Variants in MDGA2 observed in about 807,000 individuals in gnomAD.
The protein encoded by MDGA2 is MAM domain-containing glycosylphosphatidylinositol anchor protein 2.
Under a neutral mutation model 117.8 loss-of-function variants are expected in MDGA2, and 40 were observed. The observed-to-expected ratio is 0.34, with a 90% CI of 0.26 to 0.44. MDGA2 has a LOEUF of 0.44. MDGA2 is among the 20% of genes least tolerant of loss of function. The probability of loss-of-function intolerance (pLI) is 1.00; values close to 1 mark genes in which losing one functional copy is unlikely to be tolerated. For synonymous variants in MDGA2, 452 were observed against 439.0 expected (o/e 1.03, Z -0.37); for missense variants, 1,123 against 1,250.6 (o/e 0.90, Z 1.54).
chr14:47,508,082 G>A (rs1894553827), intron 1 of MDGA2, among the ~76,000 whole-genome samples: 1 of 152,170 alleles, frequency 6.6e-6, no homozygotes, highest in African/African-American at 2.4e-5. Flanking sequence ...ATATAGTAGT[G>A]TAATCATTTC....
chr14:47,143,461 A>T (rs1291609725), intron 4 of MDGA2, among the ~76,000 whole-genome samples: 1 of 152,124 alleles, frequency 6.6e-6, no homozygotes, highest in Non-Finnish European at 1.5e-5. Context: ...GGACTTATTA[A>T]TTCCTTACTC....
chr14:46,982,217 A>T (rs2138386762), intron 8 of MDGA2, among the ~76,000 whole-genome samples: 1 of 152,310 alleles, frequency 6.6e-6, no homozygotes, highest in Non-Finnish European at 1.5e-5. Context: ...TAACATGAAA[A>T]GACTAGTATG....
chr14:47,224,038 T>C (rs1886391950), intron 2 of MDGA2, among the ~76,000 whole-genome samples: 1 of 152,090 alleles, frequency 6.6e-6, no homozygotes, highest in Admixed American at 6.6e-5. Context: ...ACGGGGATTG[T>C]GGGAGCTACA....
chr14:47,512,386 T>A (rs575566976), intron 1 of MDGA2, among the ~76,000 whole-genome samples: 2 of 152,296 alleles, frequency 1.3e-5, no homozygotes, highest in Admixed American at 6.5e-5. Context: ...TTCCTCATTA[T>A]AAACATTTAA....
intron 8 of MDGA2, among the ~76,000 whole-genome samples, chr14:47,010,404 ACT>A (rs888457546): frequency 5.9e-4 from 90 of 152,078 alleles, no homozygotes; most frequent in African/African-American, 2.1e-3. Context: ...GAATGTATAC[ACT>A]CTGACGTAAA....
intron 1 of MDGA2, among the ~76,000 whole-genome samples, chr14:47,611,376 A>G (rs1005560118): frequency 6.6e-5 from 10 of 152,178 alleles, no homozygotes; most frequent in African/African-American, 2.4e-4. Flanking sequence ...ATTAACCTAA[A>G]GAGCTTTTGC....
intron 5 of MDGA2, among the ~76,000 whole-genome samples, chr14:47,126,931 A>G (rs866239759): frequency 6.6e-6 from 1 of 152,130 alleles, no homozygotes; most frequent in East Asian, 1.9e-4. Flanking sequence ...TCAGGTCCAT[A>G]GACTGACTGC....
intron 6 of MDGA2, among the ~76,000 whole-genome samples, chr14:47,075,212 A>T (rs1890446932): frequency 1.3e-5 from 2 of 152,176 alleles, no homozygotes; most frequent in Non-Finnish European, 2.9e-5. Context: ...AGTCTGAAGA[A>T]TTGCCACTAT....
chr14:47,368,739 C>CT (rs1015266082), intron 1 of MDGA2, among the ~76,000 whole-genome samples: 31 of 151,894 alleles, frequency 2.0e-4, no homozygotes, highest in African/African-American at 7.5e-4. Context: ...TAGTGTAAAA[C>CT]TTTGAGTTCA....
intron 2 of MDGA2, among the ~76,000 whole-genome samples, chr14:47,262,004 G>A (rs1252893070): frequency 6.6e-6 from 1 of 152,072 alleles, no homozygotes; most frequent in African/African-American, 2.4e-5. Context: ...GATTATAAAG[G>A]TAATGCCAGG....
intron 6 of MDGA2, among the ~76,000 whole-genome samples, chr14:47,090,390 A>AG (rs1002958946): frequency 2.6e-5 from 4 of 152,056 alleles, no homozygotes; most frequent in Non-Finnish European, 4.4e-5. Flanking sequence ...CCACAAAAAA[A>AG]AAATGCTGAA....
intron 1 of MDGA2, among the ~76,000 whole-genome samples, chr14:47,325,512 T>C (rs1305189811): frequency 6.6e-6 from 1 of 152,190 alleles, no homozygotes; most frequent in African/African-American, 2.4e-5. Context: ...TGAGGATCTC[T>C]TTTTTAATAC....
At chr14:47,361,562 C>T (rs1891126145) in intron 1 of MDGA2, among the ~76,000 whole-genome samples, 1 of 151,992 alleles carries the variant, frequency 6.6e-6, no homozygotes, top group Admixed American at 6.5e-5. Context: ...AAGTATGTTG[C>T]TTTCACCCCC....
At chr14:47,435,264 C>T (rs1340449019) in intron 1 of MDGA2, among the ~76,000 whole-genome samples, 2 of 152,166 alleles carry the variant, frequency 1.3e-5, no homozygotes, top group Non-Finnish European at 2.9e-5. Context: ...GCTGCACCCT[C>T]TTAAATATAC....
At chr14:47,471,089 C>T (rs1247132310) in intron 1 of MDGA2, among the ~76,000 whole-genome samples, 1 of 151,996 alleles carries the variant, frequency 6.6e-6, no homozygotes, top group African/African-American at 2.4e-5. Flanking sequence ...GTTTTAGTGT[C>T]CTCAAATATT....
chr14:47,334,277 A>G lies in MDGA2; in HGVS notation c.281-32727T>C, dbSNP rs200956581. ...TGTCTTGTGATTTTGACTCACCACA[A>G]TGAAACACAATTATACATTCATTAT... On this transcript the variant is annotated intron_variant, in intron 1 of 16. Coordinates refer to ENST00000399232, the MANE Select transcript of MDGA2 (RefSeq NM_001113498.3). Among the ~76,000 whole-genome samples the G allele has an allele frequency of 2.6e-5, 4 of 152,048 alleles. No homozygotes were observed. In the East Asian group the frequency reaches 7.7e-4, roughly 29 times the overall value.
intron 10 of MDGA2, among the ~76,000 whole-genome samples, chr14:46,912,594 T>G (rs575674155): frequency 1.3e-5 from 2 of 152,312 alleles, no homozygotes; most frequent in South Asian, 4.1e-4. Flanking sequence ...GTCAATAACT[T>G]AACCCTCTTT....
intron 1 of MDGA2, among the ~76,000 whole-genome samples, chr14:47,637,877 A>G (rs1010109368): frequency 1.3e-5 from 2 of 152,162 alleles, no homozygotes; most frequent in Non-Finnish European, 2.9e-5. Flanking sequence ...GGCTTTGGTG[A>G]GGCAAACTAA....
At chr14:47,337,109 C>A (rs1663126290) in intron 1 of MDGA2, among the ~76,000 whole-genome samples, 1 of 151,964 alleles carries the variant, frequency 6.6e-6, no homozygotes, top group Non-Finnish European at 1.5e-5. Context: ...ACATTTCAAC[C>A]CTAATACTAA....
Sources: gnomAD v4.1 joint callset for allele counts (sites outside exome capture counted in the v4.1 genomes callset) on GRCh38, gnomAD v4.1.1 for gene constraint, MANE v1.5 for transcripts, NCBI Gene and HGNC (gene_info 2026-07-23, HGNC 2026-07-21) for gene names.